Variants in RIPOR2 observed in about 807,000 individuals in gnomAD.
RIPOR2 encodes the protein RHO family interacting cell polarization regulator 2.
In RIPOR2, 39 loss-of-function variants were observed where a neutral mutation model predicts 114.5. The ratio of observed to expected loss-of-function variants is 0.34; its 90% CI spans 0.26 to 0.44. The LOEUF is 0.44. RIPOR2 is among the 20% of genes least tolerant of loss of function. The pLI is 1.00. For missense variants in RIPOR2, 1,007 were observed against 1,255.1 expected, an observed-to-expected ratio of 0.80 and a Z score of 2.99; for synonymous variants, 445 against 484.4, an observed-to-expected ratio of 0.92 and a Z score of 1.07.
chr6:24,923,884 T>C (rs375755003), intron 1 of RIPOR2, among the ~76,000 whole-genome samples: 1 of 151,920 alleles, frequency 6.6e-6, no homozygotes, highest in Admixed American at 6.6e-5. Context: ...AATAAACAAA[T>C]AAATGAAGAA....
At chr6:24,820,572 C>G (rs1366012116) in intron 19 of RIPOR2, among the ~76,000 whole-genome samples, 2 of 152,182 alleles carry the variant, frequency 1.3e-5, no homozygotes, top group Non-Finnish European at 2.9e-5. Flanking sequence ...CTCTCCATTA[C>G]TATGGATTTG....
chr6:24,922,311 T>A (rs923161898), intron 1 of RIPOR2, among the ~76,000 whole-genome samples: 3 of 152,178 alleles, frequency 2.0e-5, no homozygotes, highest in African/African-American at 7.2e-5. Context: ...AGGAAGAAAT[T>A]AGTAGCAAGA....
intron 1 of RIPOR2, among the ~76,000 whole-genome samples, chr6:24,876,287 T>C (rs1440274857): frequency 4.0e-5 from 6 of 151,484 alleles, no homozygotes; most frequent in Admixed American, 3.9e-4. Flanking sequence ...CAAAACTCTG[T>C]CTAAAAAAAA....
intron 1 of RIPOR2, among the ~76,000 whole-genome samples, chr6:24,943,196 A>G (rs1233460594): frequency 3.3e-5 from 5 of 152,228 alleles, no homozygotes; most frequent in Admixed American, 1.3e-4. Flanking sequence ...TTGTAGGGAC[A>G]TGGATGAAGC....
At chr6:24,808,665 T>C (rs184001492) in intron 21 of RIPOR2, among the ~76,000 whole-genome samples, 4 of 152,240 alleles carry the variant, frequency 2.6e-5, no homozygotes, top group East Asian at 1.9e-4. Context: ...GCAGTATTGA[T>C]TGGATTATGT....
Position 24,872,910 on chromosome 6 carries a change from A to G in RIPOR2, c.394T>C (p.Leu132=), listed in dbSNP as rs1765345182. Reference sequence around the variant, plus strand: ...CGAGAGTTTCTTTTCATATCTTTTAACTGAGCTGTCAACTTGTCCAGCTCC... The same window carrying G: ...CGAGAGTTTCTTTTCATATCTTTTAGCTGAGCTGTCAACTTGTCCAGCTCC... ...QTELDKLTAQ[L]KDMKRNSRLG... Residue 132 remains leucine (L), a synonymous_variant, in exon 4 of 22, where the codon TTA becomes CTA. Transcript: ENST00000643898. 4.3e-6 allele frequency: 7 copies of G among 1,612,296 alleles called. No individual in the cohort carries two copies. Among genetic ancestry groups the G allele is most frequent in the Non-Finnish European group, 5.9e-6 (7 of 1,178,668 alleles).
At chr6:24,875,586 CG>C in intron 2 of RIPOR2, 104 bp downstream of exon 2, 3 of 1,025,662 alleles carry the variant, frequency 2.9e-6, no homozygotes, top group Non-Finnish European at 2.8e-6. Flanking sequence ...GGGAGGAGGC[CG>C]GGGGGCGGTT....
At chr6:24,924,563 G>A (rs773183209) in intron 1 of RIPOR2, among the ~76,000 whole-genome samples, 1 of 152,108 alleles carries the variant, frequency 6.6e-6, no homozygotes, top group Non-Finnish European at 1.5e-5. Context: ...AAGGCATTCT[G>A]TCTTAGCCAC....
At chr6:25,005,501 T>A (rs1262554159) in intron 1 of RIPOR2, among the ~76,000 whole-genome samples, 1 of 151,720 alleles carries the variant, frequency 6.6e-6, no homozygotes, top group Non-Finnish European at 1.5e-5. Context: ...ATTTATAAGT[T>A]TTCATTTGAA....
At chr6:25,040,075 T>C (rs72841021) in intron 1 of RIPOR2, among the ~76,000 whole-genome samples, 5,028 of 152,008 alleles carry the variant, frequency 0.033, 138 homozygotes, top group Middle Eastern at 0.078. Context: ...TGCCAACATA[T>C]AACTAGGCAT....
At chr6:24,862,374 G>T (rs916052573) in intron 7 of RIPOR2, among the ~76,000 whole-genome samples, 4 of 152,256 alleles carry the variant, frequency 2.6e-5, no homozygotes, top group African/African-American at 9.6e-5. Flanking sequence ...AGCATGGCCA[G>T]CTTGATTAGT....
At chr6:24,849,559 G>C (rs892808096) in intron 11 of RIPOR2, among the ~76,000 whole-genome samples, 1 of 152,186 alleles carries the variant, frequency 6.6e-6, no homozygotes, top group African/African-American at 2.4e-5. Context: ...GGAAGTAGAA[G>C]AGGAGATTGG....
chr6:24,871,498 C>T (rs1345361014), intron 4 of RIPOR2, among the ~76,000 whole-genome samples: 1 of 152,140 alleles, frequency 6.6e-6, no homozygotes, highest in Non-Finnish European at 1.5e-5. Context: ...ATTACAGGCA[C>T]CCACCACCAC....
At chr6:24,848,469 A>C (rs137900237) in intron 11 of RIPOR2, among the ~76,000 whole-genome samples, 2 of 152,328 alleles carry the variant, frequency 1.3e-5, no homozygotes, top group East Asian at 3.9e-4. Context: ...GCTTCGACAA[A>C]ACAAGATGTT....
intron 1 of RIPOR2, among the ~76,000 whole-genome samples, chr6:24,987,828 T>C (rs1774599981): frequency 6.6e-6 from 1 of 152,206 alleles, no homozygotes; most frequent in Non-Finnish European, 1.5e-5. Flanking sequence ...TATCTCTAAA[T>C]AGAAGATTCT....
At chr6:25,010,571 A>T (rs1303248193) in intron 1 of RIPOR2, among the ~76,000 whole-genome samples, 1 of 152,248 alleles carries the variant, frequency 6.6e-6, no homozygotes, top group Non-Finnish European at 1.5e-5. Flanking sequence ...GAATTATTTT[A>T]AAATTACTTT....
chr6:24,808,849 T>G (rs1780945355), intron 21 of RIPOR2, among the ~76,000 whole-genome samples: 1 of 151,724 alleles, frequency 6.6e-6, no homozygotes, highest in African/African-American at 2.4e-5. Flanking sequence ...AACCTCCGTT[T>G]CCTGGGTTCA....
intron 1 of RIPOR2, among the ~76,000 whole-genome samples, chr6:24,979,647 C>T (rs1291747593): frequency 6.6e-6 from 1 of 152,226 alleles, no homozygotes; most frequent in Non-Finnish European, 1.5e-5. Flanking sequence ...ACTTCCTCCA[C>T]ACCATGTTGG....
chr6:24,967,228 A>G (rs1773566733), intron 1 of RIPOR2, among the ~76,000 whole-genome samples: 1 of 152,224 alleles, frequency 6.6e-6, no homozygotes, highest in Non-Finnish European at 1.5e-5. Flanking sequence ...TCATGGCTTG[A>G]GAAATCATGT....
Sources: gnomAD v4.1 joint callset for allele counts (sites outside exome capture counted in the v4.1 genomes callset) on GRCh38, gnomAD v4.1.1 for gene constraint, MANE v1.5 for transcripts, NCBI Gene and HGNC (gene_info 2026-07-23, HGNC 2026-07-21) for gene names.